The following CCDC88C variants were observed in gnomAD, a reference collection of about 807,000 sequenced individuals.
The protein encoded by CCDC88C is coiled-coil and HOOK domain protein 88C, also known as protein Daple.
A neutral mutation model predicts 198.8 loss-of-function variants in CCDC88C; 131 were observed. That is an observed-to-expected ratio of 0.66 (90% CI 0.57 to 0.76). The LOEUF is 0.76. CCDC88C is among the 30% of genes least tolerant of loss of function. The pLI, the probability that CCDC88C is intolerant of heterozygous loss-of-function variation, is 0.00. For missense variants in CCDC88C, 2,553 were observed against 2,631.6 expected, an observed-to-expected ratio of 0.97 and a Z score of 0.65; for synonymous variants, 1,166 against 1,114.7, an observed-to-expected ratio of 1.05 and a Z score of -0.92.
At chr14:91,343,055 A>C (rs1460797768) in intron 5 of CCDC88C, among the ~76,000 whole-genome samples, 1 of 152,192 alleles carries the variant, frequency 6.6e-6, no homozygotes, top group Non-Finnish European at 1.5e-5. Context: ...CCTGCACTCA[A>C]GTGATCCTCT....
chr14:91,417,772 C>G lies in CCDC88C; in HGVS notation c.-82G>C. 1 of 1,063,212 alleles carries G rather than the reference C, an allele frequency of 9.4e-7. No homozygotes were observed. Among genetic ancestry groups the G allele is most frequent in the Non-Finnish European group, 1.2e-6 (1 of 831,532 alleles). 65.9% of individuals were successfully genotyped at this position (1,063,212 alleles called of 1,614,324 possible). On this transcript the variant is annotated 5_prime_UTR_variant, in exon 1 of 30. Transcript: ENST00000389857. ...GCCGCGGCACAAAACGGCTCCGCAGCGAGCAGCGGGCGCGGGGCTGCGGCG... is the reference window on the plus strand; with the variant it reads ...GCCGCGGCACAAAACGGCTCCGCAGGGAGCAGCGGGCGCGGGGCTGCGGCG...
chr14:91,338,357 G>T lies in CCDC88C; in HGVS notation c.891+132C>A. The T allele has an allele frequency of 1.0e-6, 1 of 971,330 alleles. No homozygotes were observed. Among genetic ancestry groups the T allele is most frequent in the Non-Finnish European group, 1.6e-6 (1 of 636,676 alleles). The allele number at this position is 971,330 out of a possible 1,614,324, so 60.2% of individuals were successfully genotyped here. A position where few individuals can be genotyped will look rare whatever the true frequency, so the allele number is the denominator to read the frequency against. ...ACTAAGAAACAGGGTCATCCCCATAGCCGTGCTCAGGACAAGTGGCTCTTG... is the reference window on the plus strand; with the variant it reads ...ACTAAGAAACAGGGTCATCCCCATATCCGTGCTCAGGACAAGTGGCTCTTG... On this transcript the variant is annotated intron_variant, in intron 9 of 29. Transcript: ENST00000389857. The surrounding 1 kb of genome is among the most constrained non-coding windows in gnomAD (Gnocchi z 4.8).
intron 4 of CCDC88C, among the ~76,000 whole-genome samples, chr14:91,345,190 A>ATATTTTTTTT (rs1246878587): frequency 7.7e-5 from 4 of 52,200 alleles, no homozygotes; most frequent in African/African-American, 1.6e-4. Context: ...ATATATATAT[A>ATATTTTTTTT]TTTTTTTTTT....
chr14:91,293,139 TTCCCATCCTCACCTGCCATAGCC>T, intron 23 of CCDC88C, among the ~76,000 whole-genome samples: 1 of 133,254 alleles, frequency 7.5e-6, no homozygotes, highest in African/African-American at 2.9e-5. Flanking sequence ...ACAGCCCACC[TTCCCATCCTCACCTGCCATAGCC>T]CACCTTCCCA....
At chr14:91,282,032 T>C (rs1320334784) in intron 26 of CCDC88C, among the ~76,000 whole-genome samples, 4 of 152,192 alleles carry the variant, frequency 2.6e-5, no homozygotes, top group African/African-American at 4.8e-5. Flanking sequence ...CTGGAATCCA[T>C]TGGCCATCAA....
At chr14:91,388,572 T>C (rs536857453) in intron 3 of CCDC88C, among the ~76,000 whole-genome samples, 56 of 152,352 alleles carry the variant, frequency 3.7e-4, no homozygotes, top group African/African-American at 1.3e-3. Flanking sequence ...CCGCGTCTGC[T>C]GCCCAGAGCT....
intron 4 of CCDC88C, among the ~76,000 whole-genome samples, chr14:91,350,430 G>A (rs1180156022): frequency 3.9e-5 from 6 of 152,158 alleles, no homozygotes; most frequent in Admixed American, 2.0e-4. Flanking sequence ...CCAAAGTGCC[G>A]GGATTACAGG....
chr14:91,272,809 A>G lies in CCDC88C; in HGVS notation c.5903T>C (p.Val1968Ala). 1.3e-6 allele frequency: 2 copies of G among 1,598,144 alleles called. No individual in the cohort carries two copies. The highest frequency in any genetic ancestry group is 3.4e-5 in the Admixed American group (2 of 59,248). The change falls in exon 30 of 30, where the codon GTC becomes GCC. Residue 1968 changes from valine to alanine, a missense_variant. By Grantham distance (64) the Val-to-Ala change is moderately conservative (BLOSUM62 0). This residue lies in a region of CCDC88C where 1,293 missense variants were observed against 1,219.6 expected (regional missense o/e 1.06). Coordinates refer to ENST00000389857, the MANE Select transcript of CCDC88C (RefSeq NM_001080414.4). ...AGLSLSEGDG[V>A]PGQGCSEGLP... The stretch of plus-strand genomic sequence containing the variant: ...CCCCTCACTGCAGCCCTGCCCCGGG[A>G]CCCCGTCTCCCTCTGAGAGGCTGAG...
In CCDC88C at chr14:91,294,335, C is replaced by T. The variant is rs746232605; in HGVS notation, c.3967-17G>A. 6.2e-7 allele frequency: 1 copy of T among 1,613,064 alleles called. No homozygotes were observed. Among genetic ancestry groups the T allele is most frequent in the African/African-American group, 1.3e-5 (1 of 75,026 alleles). ...GGAGAGCAGCTAGAACACAGACCAA[C>T]AGCGTCTCAGACACCATGTGACCCG... is the stretch of plus-strand genomic sequence containing the variant. On this transcript the variant is annotated splice_polypyrimidine_tract_variant and intron_variant, in intron 22 of 29. Coordinates refer to ENST00000389857, the MANE Select transcript of CCDC88C (RefSeq NM_001080414.4).
intron 3 of CCDC88C, among the ~76,000 whole-genome samples, chr14:91,385,824 A>G (rs1282894386): frequency 6.6e-6 from 1 of 151,914 alleles, no homozygotes; most frequent in African/African-American, 2.4e-5. Flanking sequence ...ATTAATTAAA[A>G]CTAAAAGCCT....
intron 15 of CCDC88C, among the ~76,000 whole-genome samples, chr14:91,311,145 A>G (rs1891804505): frequency 6.6e-6 from 1 of 152,240 alleles, no homozygotes; most frequent in African/African-American, 2.4e-5. Context: ...AGCAGAGGAC[A>G]GACTCCCTGA....
intron 25 of CCDC88C, chr14:91,285,641 C>T: frequency 7.8e-7 from 1 of 1,282,748 alleles, no homozygotes; most frequent in Non-Finnish European, 1.0e-6. Context: ...GGAGGGTACA[C>T]AATACAGACA....
intron 26 of CCDC88C, 128 bp from the exon 27 acceptor site, chr14:91,281,653 G>C (rs957824680): frequency 1.9e-5 from 15 of 774,348 alleles, no homozygotes; most frequent in Non-Finnish European, 3.3e-5. Flanking sequence ...ATGGCATGCA[G>C]ATGCTGCCTT....
chr14:91,366,127 T>C lies in CCDC88C; in HGVS notation c.271-6416A>G, dbSNP rs191394410. 2.0e-4 allele frequency among the ~76,000 whole-genome samples: 30 copies of C among 150,686 alleles called. 1 individual carries two copies. In the East Asian group the frequency reaches 5.5e-3, roughly 27 times the overall value. Reference sequence around the variant, plus strand: ...TCTATTTAACTAGGTATTTCAGCTGTGAACATGACAGACCTACTTAAAAAA... The same window carrying C: ...TCTATTTAACTAGGTATTTCAGCTGCGAACATGACAGACCTACTTAAAAAA... On this transcript the variant is annotated intron_variant, in intron 3 of 29. Transcript: ENST00000389857.
Position 91,338,014 on chromosome 14 carries a change from G to A in CCDC88C, c.1041C>T (p.Ala347=). 2 of 1,611,560 alleles carry A rather than the reference G, an allele frequency of 1.2e-6. No individual in the cohort carries two copies. Among genetic ancestry groups the A allele is most frequent in the Non-Finnish European group, 1.7e-6 (2 of 1,179,868 alleles). The change falls in exon 10 of 30, where the codon GCC becomes GCT. Residue 347 remains alanine, a synonymous_variant. Coordinates refer to ENST00000389857, the MANE Select transcript of CCDC88C (RefSeq NM_001080414.4). The surrounding 1 kb of genome is among the most constrained non-coding windows in gnomAD (Gnocchi z 4.8). ...CAGCAAGGCTCCCTACCTCCATGCG[G>A]GCCTTGTAGAAGTCCACGTCGTGCA... is the stretch of plus-strand genomic sequence containing the variant. The part of the protein sequence containing the change: ...EKLHDVDFYK[A]RMEELREDNI...
At chr14:91,378,206 C>G (rs1470493307) in intron 3 of CCDC88C, among the ~76,000 whole-genome samples, 1 of 152,186 alleles carries the variant, frequency 6.6e-6, no homozygotes, top group South Asian at 2.1e-4. Context: ...AAGCCGCAAG[C>G]TGGCAGAGGT....
chr14:91,289,196 C>CA lies in CCDC88C; in HGVS notation c.4349_4350insT (p.Leu1451AlafsTer48). On this transcript the variant is annotated frameshift_variant, in exon 25 of 30. Coordinates refer to ENST00000389857, the MANE Select transcript of CCDC88C (RefSeq NM_001080414.4). LOFTEE classifies it high-confidence loss of function. ...CGGGGTTCTCGGCCTGTGATCTGAGCGGCTGAGAGGCCGCCGGCGAGGCGG... is the reference window on the plus strand; with the variant it reads ...CGGGGTTCTCGGCCTGTGATCTGAGCAGGCTGAGAGGCCGCCGGCGAGGCGG... 6.2e-7 allele frequency: 1 copy of CA among 1,613,956 alleles called. No individual in the cohort carries two copies. The highest frequency in any genetic ancestry group is 2.2e-5 in the East Asian group (1 of 44,878).
rs531122192 is a variant in CCDC88C, at chr14:91,300,785, T to C, written c.3636-715A>G. Among the ~76,000 whole-genome samples, 92 of 152,360 alleles carry C rather than the reference T, an allele frequency of 6.0e-4. 1 individual carries two copies. Among genetic ancestry groups the C allele is most frequent in the African/African-American group, 2.0e-3 (84 of 41,590 alleles). On this transcript the variant is annotated intron_variant, in intron 20 of 29. Transcript: ENST00000389857. ...TCTTGGGGGGCAGAGTACAATGATG[T>C]AGCCCCATAGGTCCCGGCCCCTCCC...
chr14:91,358,490 ACT>A (rs1894145394), intron 4 of CCDC88C, among the ~76,000 whole-genome samples: 2 of 152,146 alleles, frequency 1.3e-5, no homozygotes, highest in Non-Finnish European at 2.9e-5. Flanking sequence ...CCAGCGAGTA[ACT>A]CTGTCCCTGG....
Sources: gnomAD v4.1 joint callset for allele counts (sites outside exome capture counted in the v4.1 genomes callset) on GRCh38, gnomAD v4.1.1 for gene constraint, gnomAD v4.1.1 regional missense constraint, Gnocchi (gnomAD v3.1) non-coding constraint, MANE v1.5 for transcripts, NCBI Gene and HGNC (gene_info 2026-07-23, HGNC 2026-07-21) for gene names.